Variants in GLS observed in about 807,000 individuals in gnomAD.
GLS encodes the protein glutaminase kidney isoform, mitochondrial.
A neutral mutation model predicts 86.7 loss-of-function variants in GLS; 36 were observed. The ratio of observed to expected loss-of-function variants is 0.42; its 90% CI spans 0.32 to 0.55. The LOEUF is 0.55. Ranked by LOEUF, GLS falls within the 20% of genes least tolerant of loss-of-function variation. GLS has a pLI of 0.17. For synonymous variants in GLS, 317 were observed against 305.9 expected, an observed-to-expected ratio of 1.04 and a Z score of -0.38; for missense variants, 528 against 833.4, an observed-to-expected ratio of 0.63 and a Z score of 4.51.
rs1244993094 is a variant in GLS at position 190,935,800 on chromosome 2, C to G, written c.1650+4163C>G. ...GTAGAATTTATATTAAACAGAATGA[C>G]AGTGATACAGAAATTCACCTTAACT... On this transcript the variant is annotated intron_variant, in intron 14 of 17. Transcript: ENST00000320717. The surrounding 1 kb of genome is among the most constrained non-coding windows in gnomAD (Gnocchi z 4.2). Among the ~76,000 whole-genome samples the G allele has an allele frequency of 6.6e-6, 1 of 151,120 alleles. No homozygotes were observed. The highest frequency in any genetic ancestry group is 1.5e-5 in the Non-Finnish European group (1 of 67,248).
intron 1 of GLS, among the ~76,000 whole-genome samples, chr2:190,886,658 G>T (rs1273627563): frequency 6.6e-6 from 1 of 152,168 alleles, no homozygotes; most frequent in East Asian, 1.9e-4. Context: ...GCTCATGCCC[G>T]TAATCCCAGC....
intron 1 of GLS, among the ~76,000 whole-genome samples, chr2:190,882,583 A>G (rs1688240415): frequency 6.6e-6 from 1 of 152,142 alleles, no homozygotes; most frequent in African/African-American, 2.4e-5. Flanking sequence ...TGAAAGTGAG[A>G]ACATTGTTAT....
intron 7 of GLS, among the ~76,000 whole-genome samples, chr2:190,912,801 A>G (rs1689407252): frequency 2.6e-5 from 4 of 152,330 alleles, no homozygotes; most frequent in East Asian, 1.9e-4. Context: ...CCCCAAATGC[A>G]GAAGTACTAT....
chr2:190,930,909 C>T lies in GLS; in HGVS notation c.1557+341C>T, dbSNP rs934733643. 3.9e-5 allele frequency among the ~76,000 whole-genome samples: 6 copies of T among 152,096 alleles called. No homozygotes were observed. Among genetic ancestry groups the T allele is most frequent in the Non-Finnish European group, 7.4e-5 (5 of 68,012 alleles). On this transcript the variant is annotated intron_variant, in intron 13 of 17. Transcript: ENST00000320717. This position sits in a 1 kb window ranked among gnomAD's most constrained non-coding sequence, Gnocchi z 5.0. The stretch of plus-strand genomic sequence containing the variant: ...TAAGAATTATTTTGGTTTATTATAT[C>T]TTTAATCTGCATGGTTAAATATCTT...
At chr2:190,908,079 T>G (rs1051450876) in intron 6 of GLS, among the ~76,000 whole-genome samples, 2 of 152,128 alleles carry the variant, frequency 1.3e-5, no homozygotes, top group African/African-American at 4.8e-5. Context: ...CCATCCTCAA[T>G]GGGCACTGCA....
intron 14 of GLS, among the ~76,000 whole-genome samples, chr2:190,948,242 A>G (rs1373538599): frequency 2.0e-5 from 3 of 152,194 alleles, no homozygotes; most frequent in African/African-American, 2.4e-5. Context: ...AAGAATACCA[A>G]ACTTCCATGT....
chr2:190,925,979 C>T (rs1298333411), intron 11 of GLS, among the ~76,000 whole-genome samples: 1 of 152,012 alleles, frequency 6.6e-6, no homozygotes, highest in African/African-American at 2.4e-5. Context: ...CCGTAAGTTT[C>T]TTTTCCTTTG....
At position 190,895,726 on chromosome 2, in the gene GLS, G is replaced by C; in HGVS notation, c.605+1G>C. ...TGCTAGACAAAGATCTTTTTAAAAA[G>C]TAAAAGTTTCTGCCAAACCTTTAAT... On this transcript the variant is annotated splice_donor_variant, in intron 3 of 17. Coordinates refer to ENST00000320717, the MANE Select transcript of GLS (RefSeq NM_014905.5). LOFTEE classifies it high-confidence loss of function. This position sits in a 1 kb window ranked among gnomAD's most constrained non-coding sequence, Gnocchi z 4.2. 1 of 1,568,570 alleles carries C rather than the reference G, an allele frequency of 6.4e-7. No individual in the cohort carries two copies. The highest frequency in any genetic ancestry group is 8.7e-7 in the Non-Finnish European group (1 of 1,150,718).
rs957748714 is a variant in GLS at position 190,964,494 on chromosome 2, A to G, written c.*1508A>G. On this transcript the variant is annotated 3_prime_UTR_variant, in exon 18 of 18. Transcript: ENST00000320717. The surrounding 1 kb of genome is among the most constrained non-coding windows in gnomAD (Gnocchi z 5.2). ...AACTTTACATGCCTGATGGCACCTT[A>G]CTCCAGCAGCCTCCAGGTGCTTTCA... 3 of 151,716 alleles carry G rather than the reference A, an allele frequency of 2.0e-5. No individual in the cohort carries two copies. The highest frequency in any genetic ancestry group is 7.3e-5 in the African/African-American group (3 of 41,298). The allele number at this position is 151,716 out of a possible 1,614,324, so 9.4% of individuals were successfully genotyped here.
Position 190,949,994 on chromosome 2 carries a change from AATATAT to A in GLS, c.1651-3560_1651-3555del, listed in dbSNP as rs750647689. Among the ~76,000 whole-genome samples, 10 of 148,204 alleles carry A rather than the reference AATATAT, an allele frequency of 6.7e-5. No individual in the cohort carries two copies. The highest frequency in any genetic ancestry group is 2.2e-4 in the African/African-American group (9 of 40,618). ...TTAAAAAGGATATAGTTAACAATAC[AATATAT>A]ATATATATATGAAGGGGAAAAGCAA... is the stretch of plus-strand genomic sequence containing the variant. On this transcript the variant is annotated intron_variant, in intron 14 of 17. Transcript: ENST00000320717. This position sits in a 1 kb window ranked among gnomAD's most constrained non-coding sequence, Gnocchi z 4.0.
rs1008766183 is a variant in GLS at position 190,955,865 on chromosome 2, C to T, written c.1853+1047C>T. Among the ~76,000 whole-genome samples, 11 of 152,340 alleles carry T rather than the reference C, an allele frequency of 7.2e-5. No homozygotes were observed. Among genetic ancestry groups the T allele is most frequent in the African/African-American group, 2.6e-4 (11 of 41,572 alleles). On this transcript the variant is annotated intron_variant, in intron 17 of 17. Coordinates refer to ENST00000320717, the MANE Select transcript of GLS (RefSeq NM_014905.5). The surrounding 1 kb of genome is among the most constrained non-coding windows in gnomAD (Gnocchi z 5.6). Reference sequence around the variant, plus strand: ...CATTGTGGTTTTGATTTGCATTTCTCTAATGACCAGTGATGATGATATTTT... The same window carrying T: ...CATTGTGGTTTTGATTTGCATTTCTTTAATGACCAGTGATGATGATATTTT...
intron 1 of GLS, among the ~76,000 whole-genome samples, chr2:190,894,390 G>C (rs983194846): frequency 6.6e-6 from 1 of 151,888 alleles, no homozygotes; most frequent in Non-Finnish European, 1.5e-5. Flanking sequence ...CGTGTTGGTT[G>C]AATCTATGGA....
chr2:190,881,446 A>G lies in GLS; in HGVS notation c.362A>G (p.Lys121Arg), dbSNP rs1305719784. Residue 121 changes from lysine (K) to arginine (R), a missense_variant, in exon 1 of 18, where the codon AAA becomes AGA. Lys to Arg is a conservative substitution (Grantham distance 26). Coordinates refer to ENST00000320717, the MANE Select transcript of GLS (RefSeq NM_014905.5). ...GACGCGTTTGGCAACAGCGAGGGCA[A>G]AGAGCTGGTGGCCTCAGGTGAAAAG... ...ETDAFGNSEG[K>R]ELVASGENKI... The G allele has an allele frequency of 5.2e-6, 8 of 1,543,556 alleles. No homozygotes were observed. Among genetic ancestry groups the G allele is most frequent in the Admixed American group, 2.0e-5 (1 of 50,736 alleles).
intron 14 of GLS, among the ~76,000 whole-genome samples, chr2:190,946,585 G>A: frequency 6.6e-6 from 1 of 151,916 alleles, no homozygotes; most frequent in East Asian, 1.9e-4. Context: ...GAAAAACAGA[G>A]GAAATTTTGG....
At chr2:190,916,580 T>C (rs1480447075) in intron 7 of GLS, among the ~76,000 whole-genome samples, 2 of 152,316 alleles carry the variant, frequency 1.3e-5, no homozygotes, top group East Asian at 1.9e-4. Flanking sequence ...CAAGCAGATA[T>C]AGTTTATTGA....
chr2:190,910,247 CT>C lies in GLS; in HGVS notation c.980-12del. The stretch of plus-strand genomic sequence containing the variant: ...TTAAGTATTTGAAATAATGGTATTG[CT>C]TTTATATTTTACAGATAAACCACAT... On this transcript the variant is annotated splice_polypyrimidine_tract_variant and intron_variant, in intron 6 of 17. Coordinates refer to ENST00000320717, the MANE Select transcript of GLS (RefSeq NM_014905.5). 7.1e-7 allele frequency: 1 copy of C among 1,413,480 alleles called. No individual in the cohort carries two copies. Among genetic ancestry groups the C allele is most frequent in the Non-Finnish European group, 9.9e-7 (1 of 1,009,828 alleles). The allele number at this position is 1,413,480 out of a possible 1,614,324, so 87.6% of individuals were successfully genotyped here.
intron 5 of GLS, among the ~76,000 whole-genome samples, chr2:190,904,687 G>T (rs1186520479): frequency 6.6e-6 from 1 of 151,948 alleles, no homozygotes; most frequent in East Asian, 1.9e-4. Context: ...ATTGTATTTG[G>T]TATTATAAGT....
In GLS at chr2:190,895,795, A is replaced by AT; in HGVS notation, c.605+72dup. ...ACGGTGATTCTGCTTTTAAAACAAAATTGCATCTTTGAAGGCCACTGCTTC... is the reference window on the plus strand; with the variant it reads ...ACGGTGATTCTGCTTTTAAAACAAAATTTGCATCTTTGAAGGCCACTGCTTC... On this transcript the variant is annotated intron_variant, in intron 3 of 17. Coordinates refer to ENST00000320717, the MANE Select transcript of GLS (RefSeq NM_014905.5). This position sits in a 1 kb window ranked among gnomAD's most constrained non-coding sequence, Gnocchi z 4.2. 1 of 1,306,254 alleles carries AT rather than the reference A, an allele frequency of 7.7e-7. No homozygotes were observed. Among genetic ancestry groups the AT allele is most frequent in the Non-Finnish European group, 1.1e-6 (1 of 951,356 alleles). 80.9% of individuals were successfully genotyped at this position (1,306,254 alleles called of 1,614,324 possible).
Position 190,942,311 on chromosome 2 carries a change from A to T in GLS, c.1650+10674A>T, listed in dbSNP as rs190124503. On this transcript the variant is annotated intron_variant, in intron 14 of 17. Coordinates refer to ENST00000320717, the MANE Select transcript of GLS (RefSeq NM_014905.5). ...TAGCCAAGATGGTCTCGATCTCCTG[A>T]CCTCGTGATCCGCCCGCCTCGGTCT... 7.4e-3 allele frequency among the ~76,000 whole-genome samples: 1,125 copies of T among 151,638 alleles called. 28 individuals are homozygous for T. The highest frequency in any genetic ancestry group is 0.053 in the East Asian group (274 of 5,160).
Sources: gnomAD v4.1 joint callset for allele counts (sites outside exome capture counted in the v4.1 genomes callset) on GRCh38, gnomAD v4.1.1 for gene constraint, Gnocchi (gnomAD v3.1) non-coding constraint, MANE v1.5 for transcripts, NCBI Gene and HGNC (gene_info 2026-07-23, HGNC 2026-07-21) for gene names.